Variants in PLSCR2 observed in about 807,000 individuals in gnomAD.
The protein encoded by PLSCR2 is phospholipid scramblase 2, also known as PL scramblase 2.
In PLSCR2, 18 loss-of-function variants were observed where a neutral mutation model predicts 25.3. That is an observed-to-expected ratio of 0.71 (90% CI 0.49 to 1.06). The LOEUF (loss-of-function observed/expected upper bound fraction) is 1.06, where lower values mean the gene tolerates loss of function less well. PLSCR2 is among the 50% of genes least tolerant of loss of function. The pLI is 0.00. For synonymous variants in PLSCR2, 88 were observed against 87.3 expected (o/e 1.01, Z -0.04); for missense variants, 243 against 269.5 (o/e 0.90, Z 0.69).
downstream of PLSCR2, among the ~76,000 whole-genome samples, chr3:146,437,489 G>A (rs1480318453): frequency 6.6e-6 from 1 of 152,104 alleles, no homozygotes; most frequent in Non-Finnish European, 1.5e-5. Flanking sequence ...CTTCTTCCTG[G>A]TTTAGTCTTA....
intron 1 of PLSCR2, among the ~76,000 whole-genome samples, chr3:146,477,315 G>A (rs942643054): frequency 1.3e-5 from 2 of 152,194 alleles, no homozygotes; most frequent in Admixed American, 1.3e-4. Context: ...AGGGTGGGGG[G>A]ATTTCCCTTT....
At chr3:146,440,025 T>C (rs537666060), downstream of PLSCR2, among the ~76,000 whole-genome samples, 1 of 152,228 alleles carries the variant, frequency 6.6e-6, no homozygotes, top group East Asian at 1.9e-4. Context: ...TCTGTTGGAG[T>C]TTGCTTGAAG....
chr3:146,423,277 CTCTCT>C lies in PLSCR2; in HGVS notation c.101-27361_101-27357del, dbSNP rs1559981815. Among the ~76,000 whole-genome samples the C allele has an allele frequency of 3.1e-3, 411 of 133,624 alleles. 17 individuals carry two copies. Among genetic ancestry groups the C allele is most frequent in the Middle Eastern group, 0.011 (3 of 268 alleles). The allele number at this position is 133,624 out of a possible 152,430, so 87.7% of individuals were successfully genotyped here. A position where few individuals can be genotyped will look rare whatever the true frequency, so the allele number is the denominator to read the frequency against. On this transcript the variant is annotated intron_variant and NMD_transcript_variant, in intron 2 of 3. Coordinates refer to the PLSCR2 transcript ENST00000463633. ...TCTCTCTCTCTCTCTCTCTCTCTCT[CTCTCT>C]CCCTGGCTAGATTCTCACAAGAAAC...
chr3:146,413,518 T>A (rs2038919377), intron 2 of PLSCR2, among the ~76,000 whole-genome samples: 1 of 152,160 alleles, frequency 6.6e-6, no homozygotes, highest in Non-Finnish European at 1.5e-5. Context: ...CTGCTAGATA[T>A]CCTCATTCAT....
chr3:146,392,592 G>A (rs576927951), intron 3 of PLSCR2, among the ~76,000 whole-genome samples: 10 of 151,366 alleles, frequency 6.6e-5, no homozygotes, highest in African/African-American at 2.4e-4. Flanking sequence ...GGTCATATTT[G>A]TTGTGTATTT....
intron 2 of PLSCR2, among the ~76,000 whole-genome samples, chr3:146,417,398 A>T (rs1429721711): frequency 8.0e-6 from 1 of 124,392 alleles, no homozygotes; most frequent in South Asian, 3.5e-4. Context: ...ATAATGACAA[A>T]GAAGAAACAT....
chr3:146,487,923 AT>A (rs1206154097), intron 1 of PLSCR2, among the ~76,000 whole-genome samples: 2 of 152,176 alleles, frequency 1.3e-5, no homozygotes, highest in African/African-American at 2.4e-5. Flanking sequence ...ACTTCAAACT[AT>A]TTTACAAGGC....
chr3:146,442,366 T>C (rs1323759139), intron 6 of PLSCR2, among the ~76,000 whole-genome samples: 1 of 152,056 alleles, frequency 6.6e-6, no homozygotes, highest in East Asian at 1.9e-4. Context: ...TAATTAATAT[T>C]GCCAAGATGT....
chr3:146,479,123 C>G (rs2043037478), intron 1 of PLSCR2, among the ~76,000 whole-genome samples: 1 of 152,154 alleles, frequency 6.6e-6, no homozygotes, highest in South Asian at 2.1e-4. Flanking sequence ...AAACCGGTAC[C>G]AGCCACTGCA....
At chr3:146,487,866 G>A (rs563873040) in intron 1 of PLSCR2, among the ~76,000 whole-genome samples, 9 of 152,150 alleles carry the variant, frequency 5.9e-5, no homozygotes, top group African/African-American at 2.2e-4. Flanking sequence ...TTATAGCCAA[G>A]ACAATCCTAA....
chr3:146,395,158 G>A, intron 3 of PLSCR2, among the ~76,000 whole-genome samples: 1 of 152,142 alleles, frequency 6.6e-6, no homozygotes, highest in Non-Finnish European at 1.5e-5. Context: ...CATAACCTTA[G>A]AGGGATCATC....
intron 3 of PLSCR2, among the ~76,000 whole-genome samples, chr3:146,393,218 C>T (rs2038151449): frequency 6.6e-6 from 1 of 151,272 alleles, no homozygotes; most frequent in African/African-American, 2.4e-5. Context: ...TCAGCAGAGA[C>T]AGGGTTTCAC....
rs558844320 is a variant in PLSCR2, at chr3:146,451,737, A to G, written c.483+2265T>C. Among the ~76,000 whole-genome samples the G allele has an allele frequency of 5.3e-5, 8 of 152,248 alleles. No homozygotes were observed. In the South Asian group the frequency reaches 1.0e-3, roughly 20 times the overall value. On this transcript the variant is annotated intron_variant, in intron 5 of 6. Transcript: ENST00000610787. ...AAGGCCAGAGTTTGAGTTATTCACC[A>G]ATAGCCAGTGGTTTAAATCAGTCAT...
intron 1 of PLSCR2, chr3:146,495,876 A>G (rs1409490230): frequency 1.3e-6 from 2 of 1,531,004 alleles, no homozygotes; most frequent in Non-Finnish European, 1.8e-6. Flanking sequence ...GTCTCTGGAA[A>G]CTACATGTCA....
At chr3:146,405,048 C>T (rs781311164) in intron 2 of PLSCR2, among the ~76,000 whole-genome samples, 1 of 151,948 alleles carries the variant, frequency 6.6e-6, no homozygotes, top group Non-Finnish European at 1.5e-5. Context: ...CACTTTGAGA[C>T]GGATTAAGAG....
At chr3:146,449,512 C>G in intron 5 of PLSCR2, 145 bp from the exon 6 acceptor site, 1 of 490,314 alleles carries the variant, frequency 2.0e-6, no homozygotes, top group Non-Finnish European at 3.5e-6. Context: ...ATATTAGATG[C>G]ATATAGGCTC....
intron 1 of PLSCR2, among the ~76,000 whole-genome samples, chr3:146,476,723 C>T (rs1256072990): frequency 6.6e-6 from 1 of 152,234 alleles, no homozygotes; most frequent in Non-Finnish European, 1.5e-5. Flanking sequence ...TAGTACAGCA[C>T]ACCAGCTGTG....
In PLSCR2 at chr3:146,423,273, CT is replaced by C. The variant is rs869276724; in HGVS notation, c.101-27353del. Among the ~76,000 whole-genome samples, 990 of 139,684 alleles carry C rather than the reference CT, an allele frequency of 7.1e-3. 41 individuals are homozygous for C. Among genetic ancestry groups the C allele is most frequent in the African/African-American group, 9.1e-3 (314 of 34,376 alleles). 91.6% of individuals were successfully genotyped at this position (139,684 alleles called of 152,430 possible). On this transcript the variant is annotated intron_variant and NMD_transcript_variant, in intron 2 of 3. Coordinates refer to the PLSCR2 transcript ENST00000463633. ...TCTCTCTCTCTCTCTCTCTCTCTCT[CT>C]CTCTCTCTCCCTGGCTAGATTCTCA...
intron 1 of PLSCR2, among the ~76,000 whole-genome samples, chr3:146,491,066 G>T (rs75594495): frequency 0.047 from 7,185 of 152,034 alleles, 241 homozygotes; most frequent in Non-Finnish European, 0.074. Flanking sequence ...CTTAGAATTT[G>T]CTTGCCTAAA....
Sources: gnomAD v4.1 joint callset for allele counts (sites outside exome capture counted in the v4.1 genomes callset) on GRCh38, gnomAD v4.1.1 for gene constraint, MANE v1.5 for transcripts, NCBI Gene and HGNC (gene_info 2026-07-23, HGNC 2026-07-21) for gene names.